PARD3: variants seen among roughly 807,000 people sequenced by gnomAD.
PARD3 encodes the protein partitioning defective 3 homolog.
PARD3 carries 75 observed loss-of-function variants against 155.4 expected under a neutral mutation model. That is an observed-to-expected ratio of 0.48 (90% CI 0.40 to 0.58). PARD3 has a LOEUF of 0.58. Among genes scored for constraint, PARD3 ranks in the 20% least tolerant of loss-of-function variants. The probability of loss-of-function intolerance (pLI) is 0.00; values close to 1 mark genes in which losing one functional copy is unlikely to be tolerated. For missense variants in PARD3, 1,642 were observed against 1,721.7 expected, an observed-to-expected ratio of 0.95 and a Z score of 0.82; for synonymous variants, 576 against 610.5, an observed-to-expected ratio of 0.94 and a Z score of 0.83.
In PARD3 at chr10:34,346,108, G is replaced by T. The variant is rs1424783219; in HGVS notation, c.2218+1857C>A. On this transcript the variant is annotated intron_variant, in intron 15 of 24. Coordinates refer to ENST00000374788, the MANE Select transcript of PARD3 (RefSeq NM_001184785.2). ...TACACATCACAAAACACAGAACTGG[G>T]AGAGAAGTTACTGCCCTGGGGAAGC... 11 of 1,006,410 alleles carry T rather than the reference G, an allele frequency of 1.1e-5. No individual in the cohort carries two copies. In the East Asian group the frequency reaches 1.1e-3, roughly 104 times the overall value. The allele number at this position is 1,006,410 out of a possible 1,614,324, so 62.3% of individuals were successfully genotyped here.
rs1392064438 is a variant in PARD3 at position 34,469,978 on chromosome 10, T to G, written c.582+107A>C. ...GTACCACGCTCACAAAAGGCCATCATGAAGATGCCCTGGAATCCAATGGTT... is the reference window on the plus strand; with the variant it reads ...GTACCACGCTCACAAAAGGCCATCAGGAAGATGCCCTGGAATCCAATGGTT... On this transcript the variant is annotated intron_variant, in intron 4 of 24. Coordinates refer to ENST00000374788, the MANE Select transcript of PARD3 (RefSeq NM_001184785.2). The G allele has an allele frequency of 5.9e-6, 5 of 847,652 alleles. No individual in the cohort carries two copies. In the African/African-American group the frequency reaches 8.6e-5, roughly 15 times the overall value. 52.5% of individuals were successfully genotyped at this position (847,652 alleles called of 1,614,324 possible).
chr10:34,782,734 CTT>C (rs968167211), intron 1 of PARD3, among the ~76,000 whole-genome samples: 5 of 139,508 alleles, frequency 3.6e-5, no homozygotes, highest in East Asian at 4.2e-4. Context: ...TTTTTTTTTT[CTT>C]TTTTTTTTGA....
At chr10:34,308,131 T>C (rs1050152982) in intron 20 of PARD3, among the ~76,000 whole-genome samples, 1 of 152,172 alleles carries the variant, frequency 6.6e-6, no homozygotes, top group Non-Finnish European at 1.5e-5. Flanking sequence ...GTAAAGTTAC[T>C]GAAGGAAAGA....
chr10:34,550,934 C>T (rs753777015), intron 2 of PARD3, among the ~76,000 whole-genome samples: 27 of 152,184 alleles, frequency 1.8e-4, no homozygotes, highest in Non-Finnish European at 3.4e-4. Flanking sequence ...ATGCCCTTCA[C>T]TTTCAAGCAC....
rs1359344078 is a variant in PARD3 at position 34,111,265 on chromosome 10, C to T, written c.3966G>A (p.Lys1322=). 1 of 1,613,524 alleles carries T rather than the reference C, an allele frequency of 6.2e-7. No homozygotes were observed. The highest frequency in any genetic ancestry group is 8.5e-7 in the Non-Finnish European group (1 of 1,179,584). ...KVQDPSYAPP[K]GPFRQDVPPS... ...GGGGCACATCTTGCCGGAAGGGCCCCTTGGGAGGGGCGTAACTGGGGTCCT... is the reference window on the plus strand; with the variant it reads ...GGGGCACATCTTGCCGGAAGGGCCCTTTGGGAGGGGCGTAACTGGGGTCCT... The change falls in exon 25 of 25, where the codon AAG becomes AAA. Residue 1322 remains lysine, a synonymous_variant. Transcript: ENST00000374788.
At chr10:34,798,174 G>A (rs1012214715) in intron 1 of PARD3, among the ~76,000 whole-genome samples, 1 of 151,248 alleles carries the variant, frequency 6.6e-6, no homozygotes, top group African/African-American at 2.4e-5. Flanking sequence ...AAAAAAAAAT[G>A]CTTAATGAGC....
At chr10:34,510,220 G>A (rs1269663782) in intron 3 of PARD3, among the ~76,000 whole-genome samples, 1 of 152,030 alleles carries the variant, frequency 6.6e-6, no homozygotes, top group Non-Finnish European at 1.5e-5. Context: ...CCTCTTCTAG[G>A]TAGCCCACCT....
chr10:34,695,490 A>AC (rs1161647149), intron 2 of PARD3, among the ~76,000 whole-genome samples: 1 of 151,564 alleles, frequency 6.6e-6, no homozygotes, highest in Non-Finnish European at 1.5e-5. Flanking sequence ...AAAAAAAAAA[A>AC]AAAAAGAATT....
intron 22 of PARD3, among the ~76,000 whole-genome samples, chr10:34,196,787 A>G (rs1309626007): frequency 6.6e-6 from 1 of 151,924 alleles, no homozygotes; most frequent in Non-Finnish European, 1.5e-5. Flanking sequence ...GTTAGCCAGG[A>G]TGGTCTCTAT....
chr10:34,258,655 C>G (rs1954789363), intron 22 of PARD3, among the ~76,000 whole-genome samples: 1 of 152,124 alleles, frequency 6.6e-6, no homozygotes, highest in Non-Finnish European at 1.5e-5. Context: ...GTAGTGAAAA[C>G]CTTAACCAAG....
intron 2 of PARD3, among the ~76,000 whole-genome samples, chr10:34,672,933 A>G (rs1373164253): frequency 6.6e-6 from 1 of 152,170 alleles, no homozygotes; most frequent in Non-Finnish European, 1.5e-5. Flanking sequence ...TTCTTTCTTG[A>G]TTGAACTGTA....
chr10:34,508,503 C>A (rs550151448), intron 3 of PARD3, among the ~76,000 whole-genome samples: 2 of 151,932 alleles, frequency 1.3e-5, no homozygotes, highest in South Asian at 4.1e-4. Context: ...GGGCTACCCT[C>A]AAATATCTGA....
chr10:34,809,298 G>T (rs879944952), intron 1 of PARD3, among the ~76,000 whole-genome samples: 7 of 152,146 alleles, frequency 4.6e-5, no homozygotes, highest in Non-Finnish European at 8.8e-5. Context: ...ACAGACACGG[G>T]CTATTCACCA....
chr10:34,274,402 C>A (rs1955776722), intron 21 of PARD3, among the ~76,000 whole-genome samples: 1 of 152,170 alleles, frequency 6.6e-6, no homozygotes, highest in Non-Finnish European at 1.5e-5. Context: ...TTATTCTTTG[C>A]ACCATAATGT....
At chr10:34,159,676 A>G (rs1298023622) in intron 22 of PARD3, among the ~76,000 whole-genome samples, 2 of 152,248 alleles carry the variant, frequency 1.3e-5, no homozygotes, top group African/African-American at 4.8e-5. Flanking sequence ...GTGTATCTAC[A>G]ACAAACAAAG....
At chr10:34,439,064 C>T (rs895750808) in intron 5 of PARD3, among the ~76,000 whole-genome samples, 6 of 152,094 alleles carry the variant, frequency 3.9e-5, no homozygotes, top group African/African-American at 1.4e-4. Flanking sequence ...TGCATGACTC[C>T]GTAGACAGGA....
At chr10:34,671,241 A>T (rs939309418) in intron 2 of PARD3, among the ~76,000 whole-genome samples, 1 of 152,240 alleles carries the variant, frequency 6.6e-6, no homozygotes, top group Non-Finnish European at 1.5e-5. Context: ...CATTATAAAG[A>T]AATAGTTAAC....
intron 2 of PARD3, among the ~76,000 whole-genome samples, chr10:34,642,373 T>C (rs1005881531): frequency 6.6e-6 from 1 of 151,972 alleles, no homozygotes; most frequent in Non-Finnish European, 1.5e-5. Flanking sequence ...TTGACCCTCC[T>C]CTTCCTTGAT....
At position 34,111,542 on chromosome 10, in the gene PARD3, C is replaced by G; in HGVS notation, c.3689G>C (p.Ser1230Thr). The stretch of plus-strand genomic sequence containing the variant: ...CTCCCAAGAGTCCTGGGAGACCGAG[C>G]TGGCATTTTTCCTGCTTTGCCTAGA... ...SLPRQSRKNASSVSQDSWEQN... is the reference protein window; with the variant it reads ...SLPRQSRKNATSVSQDSWEQN... The change falls in exon 25 of 25, where the codon AGC (serine) becomes ACC (threonine). Residue 1230 changes from serine to threonine, a missense_variant. By Grantham distance (58) the Ser-to-Thr change is moderately conservative (BLOSUM62 1). Around this residue, in one of 3 missense-constraint regions of PARD3, gnomAD observed 1,529 missense variants for 1,587.3 expected, o/e 0.96. Coordinates refer to ENST00000374788, the MANE Select transcript of PARD3 (RefSeq NM_001184785.2). The G allele has an allele frequency of 6.3e-7, 1 of 1,596,030 alleles. No homozygotes were observed. The highest frequency in any genetic ancestry group is 8.6e-7 in the Non-Finnish European group (1 of 1,167,764).
Sources: allele counts gnomAD v4.1 joint callset (sites outside exome capture counted in the v4.1 genomes callset), GRCh38; gene constraint gnomAD v4.1.1; regional missense constraint gnomAD v4.1.1; transcripts MANE v1.5; gene names NCBI Gene and HGNC (gene_info 2026-07-23, HGNC 2026-07-21).